The following THSD4 variants were observed in gnomAD, a reference collection of about 807,000 sequenced individuals.
THSD4 encodes the protein thrombospondin type-1 domain-containing protein 4.
In THSD4, 69 loss-of-function variants were observed where a neutral mutation model predicts 119.0. The observed-to-expected ratio is 0.58, with a 90% CI of 0.48 to 0.71. The LOEUF (loss-of-function observed/expected upper bound fraction) is 0.71, where lower values mean the gene tolerates loss of function less well. THSD4 is among the 30% of genes least tolerant of loss of function. The pLI is 0.00. For missense variants in THSD4, 1,393 were observed against 1,391.1 expected (o/e 1.00, Z -0.02); for synonymous variants, 524 against 540.4 (o/e 0.97, Z 0.42).
Position 71,411,687 on chromosome 15 carries a change from T to G in THSD4, c.1016T>G (p.Val339Gly). Residue 339 changes from valine to glycine, a missense_variant and splice_region_variant, in exon 7 of 18, where the codon GTA becomes GGA. Physicochemically the swap from Val to Gly is moderately radical, Grantham distance 109 (BLOSUM62 -3). Transcript: ENST00000261862. ...ATTTTATTTCATTTTACTTTGGTAGTAAAAGGCAATCGCAAATGTGAGTTG... is the reference window on the plus strand; with the variant it reads ...ATTTTATTTCATTTTACTTTGGTAGGAAAAGGCAATCGCAAATGTGAGTTG... ...RFYEWEPFAEVKGNRKCELNC... is the reference protein window; with the variant it reads ...RFYEWEPFAEGKGNRKCELNC... 6.2e-7 allele frequency: 1 copy of G among 1,613,812 alleles called. No individual in the cohort carries two copies. The highest frequency in any genetic ancestry group is 1.1e-5 in the South Asian group (1 of 91,038).
intron 7 of THSD4, among the ~76,000 whole-genome samples, chr15:71,618,128 G>T (rs1442178078): frequency 6.6e-6 from 1 of 152,206 alleles, no homozygotes; most frequent in East Asian, 1.9e-4. Context: ...CTGAAGAAAA[G>T]TATGATGCTC....
intron 6 of THSD4, among the ~76,000 whole-genome samples, chr15:71,308,817 T>A (rs147495689): frequency 6.9e-4 from 105 of 152,326 alleles, no homozygotes; most frequent in Non-Finnish European, 1.4e-3. Context: ...AACTGCTAAA[T>A]TGTTTTCCAC....
chr15:71,455,494 T>TA (rs924709451), intron 7 of THSD4, among the ~76,000 whole-genome samples: 1 of 152,184 alleles, frequency 6.6e-6, no homozygotes, highest in African/African-American at 2.4e-5. Flanking sequence ...GCCACTCCCT[T>TA]AATGAGTAGC....
intron 4 of THSD4, among the ~76,000 whole-genome samples, chr15:71,240,798 TACAC>T (rs58462444): frequency 0.37 from 53,819 of 145,402 alleles, 10,412 homozygotes; most frequent in East Asian, 0.58. Flanking sequence ...TATATGTGTA[TACAC>T]ACACACACAC....
At chr15:71,143,461 A>C (rs1321023688) in intron 2 of THSD4, among the ~76,000 whole-genome samples, 4 of 152,030 alleles carry the variant, frequency 2.6e-5, no homozygotes, top group African/African-American at 4.8e-5. Context: ...AAAGAAGTGG[A>C]GGTCACAGTC....
chr15:71,116,472 G>T (rs1167554775), intron 1 of THSD4, among the ~76,000 whole-genome samples: 1 of 152,114 alleles, frequency 6.6e-6, no homozygotes, highest in Admixed American at 6.5e-5. Flanking sequence ...GGAATTTGTG[G>T]TCTAGTAAGT....
intron 7 of THSD4, among the ~76,000 whole-genome samples, chr15:71,624,134 C>T (rs907770013): frequency 6.6e-6 from 1 of 152,102 alleles, no homozygotes; most frequent in African/African-American, 2.4e-5. Context: ...CTTAACATAT[C>T]CTACAGGGAG....
At chr15:71,332,810 C>T (rs1398349978) in intron 6 of THSD4, among the ~76,000 whole-genome samples, 10 of 151,782 alleles carry the variant, frequency 6.6e-5, no homozygotes, top group Admixed American at 2.6e-4. Context: ...CAAGCTTGTC[C>T]AACCCGTGTC....
chr15:71,388,817 G>A (rs2046329161), intron 6 of THSD4, among the ~76,000 whole-genome samples: 1 of 151,980 alleles, frequency 6.6e-6, no homozygotes, highest in African/African-American at 2.4e-5. Flanking sequence ...ATCCAATATG[G>A]TTTGGCTGTG....
intron 1 of THSD4, among the ~76,000 whole-genome samples, chr15:71,128,270 T>G (rs1199562403): frequency 2.0e-5 from 3 of 151,564 alleles, no homozygotes; most frequent in Non-Finnish European, 4.4e-5. Flanking sequence ...CTATAACATG[T>G]AATCCCAGCA....
intron 7 of THSD4, among the ~76,000 whole-genome samples, chr15:71,491,192 C>T (rs2047913225): frequency 6.6e-6 from 1 of 152,152 alleles, no homozygotes; most frequent in African/African-American, 2.4e-5. Flanking sequence ...TTCCTCCACA[C>T]CCTTGACAAC....
chr15:71,395,912 G>GACACAC lies in THSD4; in HGVS notation c.1016-15774_1016-15773insCACACA, dbSNP rs148711899. On this transcript the variant is annotated intron_variant, in intron 6 of 17. Transcript: ENST00000261862. ...AGTCTGCTTCTCAGTGTTTTGAAGAGAGACACACACACACACACACACACA... is the reference window on the plus strand; with the variant it reads ...AGTCTGCTTCTCAGTGTTTTGAAGAGACACACAGACACACACACACACACACACACA... 1.2e-3 allele frequency among the ~76,000 whole-genome samples: 134 copies of GACACAC among 109,592 alleles called. 2 individuals are homozygous for GACACAC. Among genetic ancestry groups the GACACAC allele is most frequent in the African/African-American group, 4.7e-3 (124 of 26,326 alleles). The allele number at this position is 109,592 out of a possible 152,430, so 71.9% of individuals were successfully genotyped here.
chr15:71,543,364 A>T (rs2048788277), intron 7 of THSD4, among the ~76,000 whole-genome samples: 1 of 152,110 alleles, frequency 6.6e-6, no homozygotes, highest in Admixed American at 6.5e-5. Flanking sequence ...AGAACAGAAC[A>T]AGAAGGTTGC....
chr15:71,325,373 C>T (rs1196531672), intron 6 of THSD4, among the ~76,000 whole-genome samples: 1 of 152,156 alleles, frequency 6.6e-6, no homozygotes, highest in East Asian at 1.9e-4. Context: ...TGAGTACTTA[C>T]CCAGTGCCAA....
chr15:71,105,330 C>A (rs2040269942), intron 1 of THSD4, among the ~76,000 whole-genome samples: 1 of 152,152 alleles, frequency 6.6e-6, no homozygotes, highest in Non-Finnish European at 1.5e-5. Flanking sequence ...CAGATGAAGA[C>A]TTAGGTGAGG....
At position 71,352,938 on chromosome 15, in the gene THSD4, C is replaced by T. The variant is rs766943081; in HGVS notation, c.1016-58749C>T. Among the ~76,000 whole-genome samples, 3 of 152,222 alleles carry T rather than the reference C, an allele frequency of 2.0e-5. No homozygotes were observed. The South Asian group carries it at 6.2e-4, about 32-fold the overall frequency. ...GTGAGCAATGGCTCACAAGCCCAAACGTTCTGGGAAATGCTGCGTCATCCT... is the reference window on the plus strand; with the variant it reads ...GTGAGCAATGGCTCACAAGCCCAAATGTTCTGGGAAATGCTGCGTCATCCT... On this transcript the variant is annotated intron_variant, in intron 6 of 17. Coordinates refer to ENST00000261862, the MANE Select transcript of THSD4 (RefSeq NM_024817.3).
chr15:71,411,741 A>G lies in THSD4; in HGVS notation c.1070A>G (p.Tyr357Cys), dbSNP rs765470670. 1 of 1,614,108 alleles carries G rather than the reference A, an allele frequency of 6.2e-7. No homozygotes were observed. Among genetic ancestry groups the G allele is most frequent in the South Asian group, 1.1e-5 (1 of 91,078 alleles). The part of the protein sequence containing the change: ...LNCQAMGYRF[Y>C]VRQAEKVIDG... The stretch of plus-strand genomic sequence containing the variant: ...TGCCAGGCAATGGGCTACCGCTTCT[A>G]TGTACGGCAAGCTGAGAAAGTCATC... Residue 357 changes from tyrosine (Y) to cysteine (C), a missense_variant, in exon 7 of 18, where the codon TAT (tyrosine) becomes TGT (cysteine). Tyr to Cys is a radical substitution (Grantham distance 194, BLOSUM62 -2). Transcript: ENST00000261862.
chr15:71,199,851 GA>G (rs2043778247), intron 3 of THSD4, among the ~76,000 whole-genome samples: 1 of 146,604 alleles, frequency 6.8e-6, no homozygotes, highest in African/African-American at 2.6e-5. Context: ...TGCTGTGTGT[GA>G]TGCATGTGTG....
chr15:71,409,451 C>G (rs2140498686), intron 6 of THSD4, among the ~76,000 whole-genome samples: 1 of 152,320 alleles, frequency 6.6e-6, no homozygotes, highest in Admixed American at 6.5e-5. Context: ...TTGCCTCCAA[C>G]TTGTCACTTC....
Sources: gnomAD v4.1 joint callset for allele counts (sites outside exome capture counted in the v4.1 genomes callset) on GRCh38, gnomAD v4.1.1 for gene constraint, MANE v1.5 for transcripts, NCBI Gene and HGNC (gene_info 2026-07-23, HGNC 2026-07-21) for gene names.